Variants in LRRC2 observed in about 807,000 individuals in gnomAD.
LRRC2 encodes the protein leucine rich repeat containing 2, also known as leucine-rich repeat-containing protein 2.
LRRC2 carries 27 observed loss-of-function variants against 40.2 expected under a neutral mutation model. The ratio of observed to expected loss-of-function variants is 0.67; its 90% CI spans 0.49 to 0.93. The LOEUF is 0.93. LRRC2 is among the 40% of genes least tolerant of loss of function. The pLI is 0.00. For synonymous variants in LRRC2, 147 were observed against 158.9 expected (o/e 0.92, Z 0.56); for missense variants, 402 against 439.6 (o/e 0.91, Z 0.76).
intron 2 of LRRC2, among the ~76,000 whole-genome samples, chr3:46,550,907 C>T (rs1378940730): frequency 6.6e-6 from 1 of 152,234 alleles, no homozygotes; most frequent in East Asian, 1.9e-4. Context: ...CATCTTCAAC[C>T]TTTCTACCTT....
At chr3:46,521,761 C>T in intron 7 of LRRC2, 103 bp from the exon 8 acceptor site, 2 of 1,154,322 alleles carry the variant, frequency 1.7e-6, no homozygotes, top group Non-Finnish European at 2.4e-6. Flanking sequence ...TCTGGCTTAC[C>T]TTTAAAAGTC....
chr3:46,536,388 G>A (rs1704269820), intron 4 of LRRC2, among the ~76,000 whole-genome samples: 1 of 152,174 alleles, frequency 6.6e-6, no homozygotes, highest in African/African-American at 2.4e-5. Flanking sequence ...ATATGTTGGT[G>A]TTTATTGCCT....
intron 4 of LRRC2, among the ~76,000 whole-genome samples, chr3:46,538,268 A>G (rs1704309178): frequency 6.6e-6 from 1 of 152,240 alleles, no homozygotes; most frequent in Non-Finnish European, 1.5e-5. Flanking sequence ...AGAAGCAATA[A>G]TGATCACTGT....
intron 7 of LRRC2, 25 bp from the exon 8 acceptor site, chr3:46,521,683 T>C: frequency 6.3e-7 from 1 of 1,598,758 alleles, no homozygotes; most frequent in South Asian, 1.1e-5. Context: ...ATGGGAAGTA[T>C]CACATTATCA....
At chr3:46,521,381 G>A in intron 8 of LRRC2, 141 bp downstream of exon 8, 1 of 614,866 alleles carries the variant, frequency 1.6e-6, no homozygotes, top group Non-Finnish European at 2.8e-6. Flanking sequence ...TGTGTTGGAG[G>A]GTAAATGGAA....
intron 2 of LRRC2, among the ~76,000 whole-genome samples, chr3:46,547,861 T>G (rs752320250): frequency 2.7e-4 from 35 of 128,690 alleles, no homozygotes; most frequent in Non-Finnish European, 2.4e-4. Flanking sequence ...GTGATTTAGT[T>G]TTATAACCAT....
intron 4 of LRRC2, 132 bp from the exon 5 acceptor site, chr3:46,533,041 G>A (rs1704189293): frequency 1.1e-6 from 1 of 894,662 alleles, no homozygotes; most frequent in African/African-American, 1.7e-5. Context: ...TAGTATTTGG[G>A]TTTTGGGGGG....
chr3:46,553,811 A>G (rs1704720889), intron 1 of LRRC2, among the ~76,000 whole-genome samples: 1 of 152,208 alleles, frequency 6.6e-6, no homozygotes, highest in African/African-American at 2.4e-5. Context: ...TTCTGACTCA[A>G]GAATGTGCTC....
rs752025282 is a variant in LRRC2 at position 46,527,440 on chromosome 3, T to C, written c.915A>G (p.Ser305=). 6.2e-7 allele frequency: 1 copy of C among 1,613,880 alleles called. No individual in the cohort carries two copies. Among genetic ancestry groups the C allele is most frequent in the Non-Finnish European group, 8.5e-7 (1 of 1,179,820 alleles). Residue 305 remains serine, a synonymous_variant, in exon 7 of 9, where the codon TCA becomes TCG. Coordinates refer to ENST00000395905, the MANE Select transcript of LRRC2 (RefSeq NM_024512.5). ...LVELPTALCD[S]STPLKFVSLM... ...GGGCTACTCACTTTAAAGGTGTGGA[T>C]GAGTCACAAAGGGCAGTTGGGAGCT...
At position 46,545,088 on chromosome 3, in the gene LRRC2, C is replaced by T. The variant is rs1469358253; in HGVS notation, c.291G>A (p.Arg97=). 6.2e-7 allele frequency: 1 copy of T among 1,613,698 alleles called. No individual in the cohort carries two copies. The highest frequency in any genetic ancestry group is 8.5e-7 in the Non-Finnish European group (1 of 1,179,978). Residue 97 remains arginine, a synonymous_variant, in exon 3 of 9, where the codon CGG becomes CGA. Coordinates refer to ENST00000395905, the MANE Select transcript of LRRC2 (RefSeq NM_024512.5). ...QSSLPKDRGK[R]SSAFVFELSG... is the part of the protein sequence containing the mutation. ...AAAGTTCAAACACAAACGCACTGCT[C>T]CGTTTGCCTCTGTCCTTGGGAAGTG...
At chr3:46,533,909 T>C (rs1704216188) in intron 4 of LRRC2, among the ~76,000 whole-genome samples, 1 of 151,612 alleles carries the variant, frequency 6.6e-6, no homozygotes, top group South Asian at 2.1e-4. Context: ...TTTTCTTTTT[T>C]TTTTAATTTT....
intron 5 of LRRC2, among the ~76,000 whole-genome samples, chr3:46,531,035 G>T (rs377550484): frequency 6.6e-6 from 1 of 152,126 alleles, no homozygotes; most frequent in Admixed American, 6.5e-5. Flanking sequence ...CCCCCCTGAC[G>T]TATGTCAGGA....
intron 7 of LRRC2, among the ~76,000 whole-genome samples, chr3:46,522,142 A>G (rs1703974715): frequency 6.6e-6 from 1 of 152,162 alleles, no homozygotes; most frequent in Non-Finnish European, 1.5e-5. Flanking sequence ...TGGGAGGCTG[A>G]GGCGGGTGGA....
intron 1 of LRRC2, among the ~76,000 whole-genome samples, chr3:46,560,732 C>A (rs1704919521): frequency 6.6e-6 from 1 of 152,146 alleles, no homozygotes; most frequent in South Asian, 2.1e-4. Context: ...TGAGAACAAG[C>A]CTCCCTCAAT....
In LRRC2 at chr3:46,529,888, A is replaced by G. The variant is rs375133074; in HGVS notation, c.773+17T>C. On this transcript the variant is annotated intron_variant, in intron 6 of 8. Coordinates refer to ENST00000395905, the MANE Select transcript of LRRC2 (RefSeq NM_024512.5). ...GTAACTAATACATACACCTCACCTT[A>G]GAATGCAAGTAGCTACCTGTCTATA... 8 of 1,613,714 alleles carry G rather than the reference A, an allele frequency of 5.0e-6. No individual in the cohort carries two copies. The African/African-American group carries it at 1.1e-4, about 22-fold the overall frequency.
intron 8 of LRRC2, among the ~76,000 whole-genome samples, chr3:46,520,439 T>G (rs1373819829): frequency 3.9e-5 from 6 of 152,120 alleles, no homozygotes; most frequent in Non-Finnish European, 8.8e-5. Context: ...GTTTCACATT[T>G]ACGATAAATT....
chr3:46,529,742 C>T (rs895708292), intron 6 of LRRC2, among the ~76,000 whole-genome samples, 163 bp downstream of exon 6: 1 of 152,164 alleles, frequency 6.6e-6, no homozygotes, highest in Non-Finnish European at 1.5e-5. Context: ...TGGAAATTGT[C>T]TTATTCTATA....
chr3:46,524,609 A>C (rs1197522945), intron 7 of LRRC2, among the ~76,000 whole-genome samples: 1 of 152,196 alleles, frequency 6.6e-6, no homozygotes, highest in Non-Finnish European at 1.5e-5. Flanking sequence ...GATGTATCTC[A>C]TAAAAATGTT....
At chr3:46,529,820 T>C (rs1356396169) in intron 6 of LRRC2, 85 bp downstream of exon 6, 29 of 1,374,160 alleles carry the variant, frequency 2.1e-5, no homozygotes, top group African/African-American at 2.9e-5. Context: ...AGAACATTCA[T>C]GTACTATACA....
Sources: gnomAD v4.1 joint callset for allele counts (sites outside exome capture counted in the v4.1 genomes callset) on GRCh38, gnomAD v4.1.1 for gene constraint, MANE v1.5 for transcripts, NCBI Gene and HGNC (gene_info 2026-07-23, HGNC 2026-07-21) for gene names.